The following PRKG1 variants were observed in gnomAD, a reference collection of about 807,000 sequenced individuals.
PRKG1 encodes the protein protein kinase cGMP-dependent 1.
Under a neutral mutation model 88.1 loss-of-function variants are expected in PRKG1, and 35 were observed. That is an observed-to-expected ratio of 0.40 (90% confidence interval 0.30 to 0.53). The LOEUF is 0.53. Among genes scored for constraint, PRKG1 ranks in the 20% least tolerant of loss-of-function variants. The pLI, the probability that PRKG1 is intolerant of heterozygous loss-of-function variation, is 0.59. For missense variants in PRKG1, 540 were observed against 839.8 expected, an observed-to-expected ratio of 0.64 and a Z score of 4.41; for synonymous variants, 303 against 292.5, an observed-to-expected ratio of 1.04 and a Z score of -0.37.
chr10:51,581,123 A>G (rs977481942), intron 3 of PRKG1, among the ~76,000 whole-genome samples: 3 of 152,146 alleles, frequency 2.0e-5, no homozygotes, highest in Non-Finnish European at 4.4e-5. Flanking sequence ...TCATTTGACT[A>G]TGAGGTGAGA....
intron 2 of PRKG1, among the ~76,000 whole-genome samples, chr10:51,192,178 T>C (rs1837648075): frequency 6.6e-6 from 1 of 151,856 alleles, no homozygotes; most frequent in African/African-American, 2.4e-5. Flanking sequence ...CCAGTATTTC[T>C]ATATAAGTAA....
chr10:51,889,346 G>A (rs1841657234), intron 4 of PRKG1, among the ~76,000 whole-genome samples: 2 of 151,770 alleles, frequency 1.3e-5, no homozygotes, highest in Admixed American at 6.6e-5. Flanking sequence ...TGCTGAGAAT[G>A]ATGATTTCCG....
At chr10:52,276,931 A>G (rs1429712321) in intron 12 of PRKG1, among the ~76,000 whole-genome samples, 1 of 152,206 alleles carries the variant, frequency 6.6e-6, no homozygotes, top group Non-Finnish European at 1.5e-5. Context: ...GTGTGCATGC[A>G]TTGTATAGAT....
At chr10:51,942,545 A>G (rs10762500) in intron 5 of PRKG1, among the ~76,000 whole-genome samples, 68,164 of 144,584 alleles carry the variant, frequency 0.47, 19,136 homozygotes, top group African/African-American at 0.78. Flanking sequence ...TGTCCTGAAT[A>G]GTAATGCCTA....
At chr10:50,996,521 A>G (rs1172056015) in intron 1 of PRKG1, among the ~76,000 whole-genome samples, 1 of 152,342 alleles carries the variant, frequency 6.6e-6, no homozygotes, top group East Asian at 1.9e-4. Context: ...TATCTAGCAC[A>G]TGTCCATTGG....
intron 1 of PRKG1, among the ~76,000 whole-genome samples, chr10:51,037,880 C>T (rs531216840): frequency 4.6e-5 from 7 of 152,238 alleles, no homozygotes; most frequent in Non-Finnish European, 7.4e-5. Flanking sequence ...CATGGCCTCA[C>T]ACTTTTTAAA....
At chr10:51,775,413 C>A (rs952495379) in intron 3 of PRKG1, among the ~76,000 whole-genome samples, 1 of 152,064 alleles carries the variant, frequency 6.6e-6, no homozygotes, top group African/African-American at 2.4e-5. Flanking sequence ...CCCCAAATAA[C>A]TTTCTCCTAC....
At chr10:52,285,395 A>T (rs1842095785) in intron 14 of PRKG1, among the ~76,000 whole-genome samples, 1 of 152,190 alleles carries the variant, frequency 6.6e-6, no homozygotes, top group African/African-American at 2.4e-5. Context: ...AATGAATATA[A>T]GTCCTTATTT....
chr10:51,821,507 A>G (rs1412913209), intron 4 of PRKG1, among the ~76,000 whole-genome samples: 1 of 152,154 alleles, frequency 6.6e-6, no homozygotes, highest in African/African-American at 2.4e-5. Flanking sequence ...AACAGTATTT[A>G]GTATTGTCAA....
chr10:51,521,619 C>A (rs1479001938), intron 3 of PRKG1, among the ~76,000 whole-genome samples: 1 of 152,186 alleles, frequency 6.6e-6, no homozygotes, highest in Non-Finnish European at 1.5e-5. Flanking sequence ...TAAGCTTTAA[C>A]CTTTACTCAG....
chr10:51,418,390 A>G (rs1054697962), intron 2 of PRKG1, among the ~76,000 whole-genome samples: 11 of 152,206 alleles, frequency 7.2e-5, no homozygotes, highest in African/African-American at 2.7e-4. Context: ...AAAAATAGGC[A>G]ATTTTGTATA....
chr10:51,756,928 T>C (rs1413762479), intron 3 of PRKG1, among the ~76,000 whole-genome samples: 1 of 152,070 alleles, frequency 6.6e-6, no homozygotes, highest in African/African-American at 2.4e-5. Context: ...CACATTGTTA[T>C]ATGTGGTGAA....
intron 5 of PRKG1, among the ~76,000 whole-genome samples, chr10:51,926,411 G>A (rs1444906545): frequency 6.6e-6 from 1 of 152,096 alleles, no homozygotes; most frequent in Non-Finnish European, 1.5e-5. Flanking sequence ...TTTGTCTTTT[G>A]TTTTCAAAGA....
chr10:52,260,860 G>A (rs1841417460), intron 10 of PRKG1, among the ~76,000 whole-genome samples: 1 of 152,054 alleles, frequency 6.6e-6, no homozygotes, highest in Admixed American at 6.6e-5. Context: ...GACACTCAAA[G>A]TAGGTAGCCT....
chr10:51,941,221 A>T (rs886140502), intron 5 of PRKG1, among the ~76,000 whole-genome samples: 4 of 151,902 alleles, frequency 2.6e-5, no homozygotes, highest in Non-Finnish European at 5.9e-5. Context: ...TTTTAAACAA[A>T]TTTAAAATAT....
At chr10:52,054,684 G>C (rs1406873698) in intron 6 of PRKG1, 123 bp downstream of exon 6, 3 of 739,552 alleles carry the variant, frequency 4.1e-6, no homozygotes, top group Non-Finnish European at 6.6e-6. Context: ...GACACAGAGA[G>C]GTATTAGAGA....
intron 2 of PRKG1, among the ~76,000 whole-genome samples, chr10:51,293,467 A>G (rs531431465): frequency 7.2e-4 from 109 of 152,270 alleles, no homozygotes; most frequent in Non-Finnish European, 1.1e-3. Flanking sequence ...AGGTGAGATC[A>G]TGCAATAGTT....
intron 3 of PRKG1, among the ~76,000 whole-genome samples, chr10:51,724,772 G>A (rs774168163): frequency 2.6e-5 from 4 of 151,846 alleles, no homozygotes; most frequent in East Asian, 1.9e-4. Context: ...ACAACTCACC[G>A]CAGCCTCAAC....
chr10:51,074,971 C>T, intron 1 of PRKG1, 70 bp downstream of exon 1: 1 of 1,474,932 alleles, frequency 6.8e-7, no homozygotes, highest in Non-Finnish European at 9.0e-7. Flanking sequence ...TCTGTATTGT[C>T]TGTCGGCCCC....
Sources: allele counts gnomAD v4.1 joint callset (sites outside exome capture counted in the v4.1 genomes callset), GRCh38; gene constraint gnomAD v4.1.1; transcripts MANE v1.5; gene names NCBI Gene and HGNC (gene_info 2026-07-23, HGNC 2026-07-21).